AFAP1: variants seen among roughly 807,000 people sequenced by gnomAD.
AFAP1 encodes actin filament-associated protein 1.
Under a neutral mutation model 93.9 loss-of-function variants are expected in AFAP1, and 75 were observed. The ratio of observed to expected loss-of-function variants is 0.80; its 90% CI spans 0.66 to 0.97. AFAP1 has a LOEUF of 0.97. AFAP1 is among the 50% of genes least tolerant of loss of function. The pLI is 0.00. For synonymous variants in AFAP1, 517 were observed against 430.7 expected, an observed-to-expected ratio of 1.20 and a Z score of -2.48; for missense variants, 1,201 against 1,050.8, an observed-to-expected ratio of 1.14 and a Z score of -1.98.
chr4:7,899,383 G>T (rs1489663045), intron 1 of AFAP1, among the ~76,000 whole-genome samples: 2 of 152,052 alleles, frequency 1.3e-5, no homozygotes, highest in Non-Finnish European at 2.9e-5. Context: ...GGTGAATGAC[G>T]AGTTAAGAAC....
chr4:7,764,130 C>T (rs1286663687), intron 17 of AFAP1, among the ~76,000 whole-genome samples: 1 of 152,240 alleles, frequency 6.6e-6, no homozygotes. Context: ...GAAGGGCCTT[C>T]TGACACACGC....
At chr4:7,866,255 G>A (rs1716387954) in intron 3 of AFAP1, among the ~76,000 whole-genome samples, 1 of 151,842 alleles carries the variant, frequency 6.6e-6, no homozygotes, top group South Asian at 2.1e-4. Context: ...GTAGTGCAGT[G>A]GCGCAATCTT....
intron 9 of AFAP1, among the ~76,000 whole-genome samples, chr4:7,803,169 G>A (rs1051878319): frequency 6.6e-6 from 1 of 152,178 alleles, no homozygotes; most frequent in Non-Finnish European, 1.5e-5. Context: ...ATGTAATGGT[G>A]TATCTGAAAG....
intron 3 of AFAP1, among the ~76,000 whole-genome samples, chr4:7,857,400 C>T (rs377438589): frequency 1.3e-5 from 2 of 152,238 alleles, no homozygotes; most frequent in East Asian, 3.9e-4. Context: ...TCCAGACCAT[C>T]TGCACAATAT....
chr4:7,888,815 G>C (rs1454343271), intron 1 of AFAP1, among the ~76,000 whole-genome samples: 1 of 151,336 alleles, frequency 6.6e-6, no homozygotes, highest in Non-Finnish European at 1.5e-5. Flanking sequence ...TTTTGAAACA[G>C]AGTCTCACTC....
intron 4 of AFAP1, among the ~76,000 whole-genome samples, chr4:7,853,694 C>G (rs1031479705): frequency 6.6e-6 from 1 of 152,342 alleles, no homozygotes; most frequent in South Asian, 2.1e-4. Flanking sequence ...ATAACCCACG[C>G]AGGTTTCACA....
At chr4:7,816,975 A>G (rs1720533931) in intron 7 of AFAP1, among the ~76,000 whole-genome samples, 1 of 152,206 alleles carries the variant, frequency 6.6e-6, no homozygotes, top group African/African-American at 2.4e-5. Flanking sequence ...TGGCTCTCAC[A>G]CCAGGAACAG....
At chr4:7,870,250 T>C (rs948149596) in intron 2 of AFAP1, among the ~76,000 whole-genome samples, 6 of 152,222 alleles carry the variant, frequency 3.9e-5, no homozygotes, top group African/African-American at 2.4e-5. Context: ...TTCATACTCA[T>C]AACCACCTAT....
chr4:7,855,391 C>A (rs1714931041), intron 4 of AFAP1, 75 bp downstream of exon 4: 1 of 1,205,226 alleles, frequency 8.3e-7, no homozygotes, highest in South Asian at 1.5e-5. Context: ...CCCTTCCTAC[C>A]CAGAAAGGGG....
intron 4 of AFAP1, among the ~76,000 whole-genome samples, chr4:7,851,053 G>A (rs764855535): frequency 4.6e-5 from 7 of 152,078 alleles, no homozygotes; most frequent in African/African-American, 9.7e-5. Context: ...TCACTGCTCC[G>A]CAGGTTGGTA....
At chr4:7,777,729 C>G (rs1194738822) in intron 14 of AFAP1, 2 of 152,200 alleles carry the variant, frequency 1.3e-5, no homozygotes, top group African/African-American at 4.8e-5. Context: ...GCACCTAACT[C>G]CCACCTTCTT....
intron 1 of AFAP1, among the ~76,000 whole-genome samples, chr4:7,911,476 C>T (rs1719721414): frequency 6.6e-6 from 1 of 152,200 alleles, no homozygotes; most frequent in South Asian, 2.1e-4. Context: ...ATTCCAGAGC[C>T]GCTATTCACA....
At chr4:7,810,834 T>A (rs1208183462) in intron 8 of AFAP1, among the ~76,000 whole-genome samples, 1 of 152,130 alleles carries the variant, frequency 6.6e-6, no homozygotes, top group Non-Finnish European at 1.5e-5. Context: ...TCACTCCCCA[T>A]CATCTCCCAC....
intron 6 of AFAP1, among the ~76,000 whole-genome samples, chr4:7,820,736 G>A (rs1187424764): frequency 6.6e-6 from 1 of 152,120 alleles, no homozygotes; most frequent in African/African-American, 2.4e-5. Flanking sequence ...CCATTTTAAT[G>A]AAAGGCAGAG....
intron 5 of AFAP1, among the ~76,000 whole-genome samples, chr4:7,841,773 T>TGCTTTCCACTAATTTCACCTGCTTTTCCA (rs1713043132): frequency 6.6e-6 from 1 of 152,100 alleles, no homozygotes; most frequent in Non-Finnish European, 1.5e-5. Flanking sequence ...ACTAATTTCT[T>TGCTTTCCACTAATTTCACCTGCTTTTCCA]CTTATTCACA....
At chr4:7,806,694 C>A (rs1335557266) in intron 9 of AFAP1, among the ~76,000 whole-genome samples, 3 of 152,182 alleles carry the variant, frequency 2.0e-5, no homozygotes, top group African/African-American at 7.2e-5. Flanking sequence ...AAAGCCCCTC[C>A]CCTCTCCCCT....
At chr4:7,808,515 CAAAAGG>C (rs1719730619) in intron 9 of AFAP1, among the ~76,000 whole-genome samples, 1 of 17,234 alleles carries the variant, frequency 5.8e-5, no homozygotes, top group Non-Finnish European at 9.3e-5. Flanking sequence ...CAAAGATGAC[CAAAAGG>C]TAGCTGCTCA....
rs577979284 is a variant in AFAP1 at position 7,810,633 on chromosome 4, A to T, written c.905-870T>A. On this transcript the variant is annotated intron_variant, in intron 8 of 17. Coordinates refer to ENST00000420658, the MANE Select transcript of AFAP1 (RefSeq NM_001134647.2). Reference sequence around the variant, plus strand: ...CCCTCATATTCGGTTTAGCCAGGACAGTGTTAAATTGGAGTTAATTTTTGA... The same window carrying T: ...CCCTCATATTCGGTTTAGCCAGGACTGTGTTAAATTGGAGTTAATTTTTGA... Among the ~76,000 whole-genome samples the T allele has an allele frequency of 2.6e-5, 4 of 152,356 alleles. No individual in the cohort carries two copies. The East Asian group carries it at 7.7e-4, about 29-fold the overall frequency.
At chr4:7,820,598 A>G (rs1720889385) in intron 6 of AFAP1, among the ~76,000 whole-genome samples, 1 of 152,098 alleles carries the variant, frequency 6.6e-6, no homozygotes, top group Non-Finnish European at 1.5e-5. Flanking sequence ...CCACGGAGGG[A>G]GATGAGCCGA....
Sources: gnomAD v4.1 joint callset for allele counts (sites outside exome capture counted in the v4.1 genomes callset) on GRCh38, gnomAD v4.1.1 for gene constraint, MANE v1.5 for transcripts, NCBI Gene and HGNC (gene_info 2026-07-23, HGNC 2026-07-21) for gene names.